Variants in TENM3 observed in about 807,000 individuals in gnomAD.
TENM3 encodes teneurin-3.
A neutral mutation model predicts 255.1 loss-of-function variants in TENM3; 63 were observed. That is an observed-to-expected ratio of 0.25 (90% CI 0.20 to 0.30). The LOEUF (loss-of-function observed/expected upper bound fraction) is 0.30. Among genes scored for constraint, TENM3 ranks in the 10% least tolerant of loss-of-function variants. TENM3 has a pLI of 1.00. For synonymous variants in TENM3, 1,306 were observed against 1,322.3 expected (o/e 0.99, Z 0.27); for missense variants, 2,929 against 3,461.1 (o/e 0.85, Z 3.86).
intron 3 of TENM3, among the ~76,000 whole-genome samples, chr4:182,453,900 T>C (rs985981783): frequency 3.3e-5 from 5 of 152,238 alleles, no homozygotes; most frequent in African/African-American, 1.2e-4. Context: ...ATTTAACCAT[T>C]ATTTCATTTT....
chr4:182,526,600 C>T lies in TENM3; in HGVS notation c.512-74324C>T, dbSNP rs1040387264. On this transcript the variant is annotated intron_variant, in intron 3 of 27. Coordinates refer to ENST00000511685, the MANE Select transcript of TENM3 (RefSeq NM_001080477.4). ...TACTTTGTTTAGTGTCTGCAACCCT[C>T]ACTAGAATGTAAACTCCATGAAGGT... 2.0e-5 allele frequency among the ~76,000 whole-genome samples: 3 copies of T among 152,178 alleles called. No homozygotes were observed. In the South Asian group the frequency reaches 6.2e-4, roughly 32 times the overall value.
intron 1 of TENM3, among the ~76,000 whole-genome samples, chr4:182,293,598 C>A (rs1761264248): frequency 6.6e-6 from 1 of 152,134 alleles, no homozygotes; most frequent in Admixed American, 6.5e-5. Flanking sequence ...AACCAAAGAG[C>A]AAGAATGGTG....
At chr4:181,471,129 A>G in the TENM3 span, among the ~76,000 whole-genome samples, 1,008 of 152,218 alleles carry the variant, frequency 6.6e-3, 2 homozygotes, top group Non-Finnish European at 8.5e-3. Context: ...TATCTTCCAC[A>G]TTGTTAATTT....
intron 3 of TENM3, among the ~76,000 whole-genome samples, chr4:182,359,083 T>C (rs1161370242): frequency 4.0e-5 from 6 of 151,696 alleles, no homozygotes; most frequent in Non-Finnish European, 8.8e-5. Context: ...TTGATCATGG[T>C]GGATAAGCTT....
chr4:181,808,297 GTTTA>G, the TENM3 span, among the ~76,000 whole-genome samples: 1,356 of 152,278 alleles, frequency 8.9e-3, 13 homozygotes, highest in African/African-American at 0.03. Context: ...AGATAATGAA[GTTTA>G]TTTATTCGAG....
At chr4:182,391,203 T>C (rs1580389515) in intron 3 of TENM3, among the ~76,000 whole-genome samples, 1 of 152,156 alleles carries the variant, frequency 6.6e-6, no homozygotes, top group South Asian at 2.1e-4. Flanking sequence ...TATTATTTGA[T>C]CCGCCTGTGT....
At chr4:182,153,926 T>G (rs1389219969) in intron 1 of TENM3, among the ~76,000 whole-genome samples, 1 of 152,138 alleles carries the variant, frequency 6.6e-6, no homozygotes, top group African/African-American at 2.4e-5. Context: ...CTTTTAAAAT[T>G]TTAAATGTTG....
At chr4:182,581,988 C>A (rs1581009566) in intron 3 of TENM3, among the ~76,000 whole-genome samples, 1 of 151,906 alleles carries the variant, frequency 6.6e-6, no homozygotes, top group South Asian at 2.1e-4. Flanking sequence ...GACAAAAGAC[C>A]GCCCACATAC....
chr4:182,285,514 T>C (rs978233672), intron 1 of TENM3, among the ~76,000 whole-genome samples: 1 of 152,154 alleles, frequency 6.6e-6, no homozygotes, highest in African/African-American at 2.4e-5. Context: ...GCTATCTGGG[T>C]AGACGAAACC....
chr4:181,943,234 G>A, the TENM3 span, among the ~76,000 whole-genome samples: 1 of 152,110 alleles, frequency 6.6e-6, no homozygotes, highest in South Asian at 2.1e-4. Flanking sequence ...TAATGTCAAG[G>A]TTCTCAGTGA....
intron 1 of TENM3, among the ~76,000 whole-genome samples, chr4:182,203,660 C>A (rs1014159387): frequency 6.6e-6 from 1 of 152,200 alleles, no homozygotes; most frequent in African/African-American, 2.4e-5. Context: ...CAACGCCTCT[C>A]CCGCTAACCT....
chr4:181,452,121 A>G, the TENM3 span, among the ~76,000 whole-genome samples: 2 of 152,308 alleles, frequency 1.3e-5, no homozygotes, highest in East Asian at 1.9e-4. Flanking sequence ...AAACAACAGT[A>G]ACATCATTGG....
rs1290306933 is a variant in TENM3, at chr4:182,679,875, A to T, written c.1536A>T (p.Ile512=). 2 of 1,602,396 alleles carry T rather than the reference A, an allele frequency of 1.2e-6. No homozygotes were observed. The highest frequency in any genetic ancestry group is 4.5e-5 in the East Asian group (2 of 44,684). The change falls in exon 8 of 28, where the codon ATA becomes ATT. Residue 512 remains isoleucine, a splice_region_variant and synonymous_variant. Coordinates refer to ENST00000511685, the MANE Select transcript of TENM3 (RefSeq NM_001080477.4). ...AEQVSFNTIV[I]ESVVECPRNC... ...AGGTGTCTTTTAATACCATTGTTAT[A>T]GGTAAGAATAGTCTTCAAAGCAGCA...
the TENM3 span, among the ~76,000 whole-genome samples, chr4:181,776,430 T>C: frequency 6.6e-6 from 1 of 152,142 alleles, no homozygotes; most frequent in African/African-American, 2.4e-5. Flanking sequence ...TTTAGATAAA[T>C]ACCTAGCAGT....
chr4:182,702,011 A>C (rs1279045630), intron 12 of TENM3, among the ~76,000 whole-genome samples: 1 of 152,246 alleles, frequency 6.6e-6, no homozygotes, highest in Admixed American at 6.5e-5. Context: ...CTGTAAATAC[A>C]TGACTTGTAT....
chr4:181,966,784 C>T, the TENM3 span, among the ~76,000 whole-genome samples: 1 of 152,192 alleles, frequency 6.6e-6, no homozygotes, highest in Non-Finnish European at 1.5e-5. Context: ...AGTAAATTGA[C>T]TCCCACTTCT....
chr4:181,621,547 C>T, the TENM3 span, among the ~76,000 whole-genome samples: 8 of 152,232 alleles, frequency 5.3e-5, no homozygotes, highest in East Asian at 1.9e-4. Context: ...TGTGCTTTTA[C>T]GAATAGCCTC....
chr4:182,383,129 G>A (rs1284366220), intron 3 of TENM3, among the ~76,000 whole-genome samples: 1 of 152,172 alleles, frequency 6.6e-6, no homozygotes, highest in Non-Finnish European at 1.5e-5. Context: ...AACAGGTGTG[G>A]AGTCGGGGTG....
intron 1 of TENM3, among the ~76,000 whole-genome samples, chr4:182,286,302 A>G (rs944498569): frequency 2.6e-5 from 4 of 152,132 alleles, no homozygotes; most frequent in African/African-American, 9.7e-5. Flanking sequence ...GCCATTCTAC[A>G]ATTTTCTTTT....
Sources: allele counts gnomAD v4.1 joint callset (sites outside exome capture counted in the v4.1 genomes callset), GRCh38; gene constraint gnomAD v4.1.1; transcripts MANE v1.5; gene names NCBI Gene and HGNC (gene_info 2026-07-23, HGNC 2026-07-21).